The following IGSF21 variants were observed in gnomAD, a reference collection of about 807,000 sequenced individuals.
IGSF21 encodes the protein immunoglobin superfamily member 21, also known as immunoglobulin superfamily member 21.
A neutral mutation model predicts 46.8 loss-of-function variants in IGSF21; 28 were observed. The observed-to-expected ratio is 0.60, with a 90% CI of 0.44 to 0.82. The LOEUF is 0.82. IGSF21 is among the 40% of genes least tolerant of loss of function. IGSF21 has a pLI of 0.00. For missense variants in IGSF21, 624 were observed against 665.5 expected, an observed-to-expected ratio of 0.94 and a Z score of 0.69; for synonymous variants, 284 against 273.6, an observed-to-expected ratio of 1.04 and a Z score of -0.38.
chr1:18,159,373 C>T (rs1425364909), intron 1 of IGSF21, among the ~76,000 whole-genome samples: 4 of 152,196 alleles, frequency 2.6e-5, no homozygotes, highest in African/African-American at 7.2e-5. Context: ...TGCCTTCTCT[C>T]GGATTCACCT....
intron 1 of IGSF21, among the ~76,000 whole-genome samples, chr1:18,152,279 T>G (rs1299321355): frequency 6.6e-6 from 1 of 152,186 alleles, no homozygotes. Context: ...CAGAAGGTCA[T>G]GCCTGAGTCT....
At chr1:18,182,059 G>A (rs2086862339) in intron 1 of IGSF21, among the ~76,000 whole-genome samples, 1 of 152,060 alleles carries the variant, frequency 6.6e-6, no homozygotes, top group East Asian at 1.9e-4. Context: ...GCCTTTAAAT[G>A]GGATCTGAAA....
chr1:18,271,289 C>T (rs1420372512), intron 2 of IGSF21, among the ~76,000 whole-genome samples: 4 of 152,108 alleles, frequency 2.6e-5, no homozygotes, highest in African/African-American at 9.7e-5. Flanking sequence ...TAACTTCAAC[C>T]CATTAATGCT....
chr1:18,179,172 A>C (rs1237065112), intron 1 of IGSF21: 1 of 152,192 alleles, frequency 6.6e-6, no homozygotes, highest in African/African-American at 2.4e-5. Flanking sequence ...CCAAGCCGAG[A>C]GGGGACTCTG....
chr1:18,330,563 G>T lies in IGSF21; in HGVS notation c.306-4329G>T, dbSNP rs184470834. On this transcript the variant is annotated intron_variant, in intron 3 of 9. Coordinates refer to ENST00000251296, the MANE Select transcript of IGSF21 (RefSeq NM_032880.5). ...GACATGGCTGGAGGAAGGGGCAGGG[G>T]CGTGGGAGAAGGGAAGGTGGGAGAC... is the stretch of plus-strand genomic sequence containing the variant. 3.3e-3 allele frequency among the ~76,000 whole-genome samples: 478 copies of T among 145,518 alleles called. 2 individuals are homozygous for T. The highest frequency in any genetic ancestry group is 5.9e-3 in the Non-Finnish European group (392 of 66,444).
intron 1 of IGSF21, among the ~76,000 whole-genome samples, chr1:18,168,718 T>A (rs899798416): frequency 1.1e-4 from 17 of 152,328 alleles, no homozygotes; most frequent in Admixed American, 6.5e-4. Flanking sequence ...ACTTTACACA[T>A]ATTATCTCAT....
chr1:18,315,786 G>A, intron 3 of IGSF21, among the ~76,000 whole-genome samples: 1 of 149,424 alleles, frequency 6.7e-6, no homozygotes, highest in East Asian at 2.1e-4. Flanking sequence ...AAGATGAGAA[G>A]TGAATGAATG....
In IGSF21 at chr1:18,158,924, T is replaced by C. The variant is rs1038128393; in HGVS notation, c.70+50726T>C. Among the ~76,000 whole-genome samples, 4 of 152,170 alleles carry C rather than the reference T, an allele frequency of 2.6e-5. No homozygotes were observed. In the East Asian group the frequency reaches 7.7e-4, roughly 29 times the overall value. On this transcript the variant is annotated intron_variant, in intron 1 of 9. Transcript: ENST00000251296. ...TAGGGTGTGTGGGAGAGTCTGGAGATGGGCGTTACCCCCAGAGGTAGGAGG... is the reference window on the plus strand; with the variant it reads ...TAGGGTGTGTGGGAGAGTCTGGAGACGGGCGTTACCCCCAGAGGTAGGAGG...
At chr1:18,202,356 T>G (rs1002200376) in intron 1 of IGSF21, among the ~76,000 whole-genome samples, 1 of 152,226 alleles carries the variant, frequency 6.6e-6, no homozygotes, top group African/African-American at 2.4e-5. Flanking sequence ...TTCCTTGGGT[T>G]ACCACCTTCA....
At chr1:18,165,909 G>A (rs977474131) in intron 1 of IGSF21, among the ~76,000 whole-genome samples, 3 of 151,988 alleles carry the variant, frequency 2.0e-5, no homozygotes, top group Non-Finnish European at 4.4e-5. Flanking sequence ...CTTTTAAAAA[G>A]TTCTAAGTTG....
At chr1:18,340,580 G>A (rs1161895897) in intron 4 of IGSF21, among the ~76,000 whole-genome samples, 1 of 152,196 alleles carries the variant, frequency 6.6e-6, no homozygotes, top group African/African-American at 2.4e-5. Flanking sequence ...TACAGAGGAC[G>A]AAACTAGTTT....
At chr1:18,264,517 T>C (rs1298233004) in intron 2 of IGSF21, among the ~76,000 whole-genome samples, 1 of 152,062 alleles carries the variant, frequency 6.6e-6, no homozygotes, top group African/African-American at 2.4e-5. Flanking sequence ...AGAGAACACA[T>C]GGACGGAGGG....
intron 6 of IGSF21, among the ~76,000 whole-genome samples, chr1:18,373,458 G>A (rs2086248929): frequency 6.6e-6 from 1 of 152,210 alleles, no homozygotes; most frequent in Admixed American, 6.5e-5. Context: ...GACAGCAGCA[G>A]GCTTGGCTTC....
At chr1:18,118,599 G>A (rs1430728519) in intron 1 of IGSF21, among the ~76,000 whole-genome samples, 1 of 152,216 alleles carries the variant, frequency 6.6e-6, no homozygotes, top group African/African-American at 2.4e-5. Context: ...GAGTGAGGTG[G>A]GGGGCGGCAA....
chr1:18,246,296 C>G (rs1009105278), intron 2 of IGSF21, among the ~76,000 whole-genome samples: 3 of 152,096 alleles, frequency 2.0e-5, no homozygotes, highest in Non-Finnish European at 2.9e-5. Context: ...CCTGGCATGA[C>G]TCTTGCTGCC....
chr1:18,316,586 A>G (rs1264347130), intron 3 of IGSF21, among the ~76,000 whole-genome samples: 2 of 152,158 alleles, frequency 1.3e-5, no homozygotes, highest in African/African-American at 2.4e-5. Flanking sequence ...CCTAGGTCCC[A>G]GCTGTAGTCT....
chr1:18,349,522 T>C (rs370456469), intron 4 of IGSF21, among the ~76,000 whole-genome samples: 4 of 151,894 alleles, frequency 2.6e-5, no homozygotes, highest in Non-Finnish European at 4.4e-5. Flanking sequence ...AGGAGCTATA[T>C]AGGCAACAAT....
chr1:18,217,891 G>A (rs1369123450), intron 1 of IGSF21, among the ~76,000 whole-genome samples: 1 of 152,172 alleles, frequency 6.6e-6, no homozygotes, highest in Non-Finnish European at 1.5e-5. Flanking sequence ...TATCCGACAG[G>A]GTTGCAATGG....
At chr1:18,321,229 C>A (rs981674437) in intron 3 of IGSF21, among the ~76,000 whole-genome samples, 6 of 152,194 alleles carry the variant, frequency 3.9e-5, no homozygotes, top group African/African-American at 1.4e-4. Flanking sequence ...GAAGCAGAGG[C>A]AGGTTGTGCA....
Sources: allele counts gnomAD v4.1 joint callset (sites outside exome capture counted in the v4.1 genomes callset), GRCh38; gene constraint gnomAD v4.1.1; transcripts MANE v1.5; gene names NCBI Gene and HGNC (gene_info 2026-07-23, HGNC 2026-07-21).